DNAJB4: variants seen among roughly 807,000 people sequenced by gnomAD.
DNAJB4 encodes DnaJ heat shock protein family (Hsp40) member B4, also known as dnaJ homolog subfamily B member 4.
DNAJB4 carries 10 observed loss-of-function variants against 26.6 expected under a neutral mutation model. The observed-to-expected ratio is 0.38, with a 90% CI of 0.23 to 0.64. DNAJB4 has a LOEUF of 0.64. DNAJB4 is among the 30% of genes least tolerant of loss of function. The probability of loss-of-function intolerance (pLI) is 0.58; values close to 1 mark genes in which losing one functional copy is unlikely to be tolerated. For missense variants in DNAJB4, 328 were observed against 408.2 expected (o/e 0.80, Z 1.69); for synonymous variants, 136 against 134.8 (o/e 1.01, Z -0.06).
At chr1:78,009,039 A>C (rs911819064) in intron 1 of DNAJB4, among the ~76,000 whole-genome samples, 1 of 152,130 alleles carries the variant, frequency 6.6e-6, no homozygotes, top group African/African-American at 2.4e-5. Flanking sequence ...TTAAATGATA[A>C]AACTTGTATT....
intron 1 of DNAJB4, among the ~76,000 whole-genome samples, chr1:77,986,085 ATGTT>A (rs906367650): frequency 6.6e-6 from 1 of 152,136 alleles, no homozygotes; most frequent in Non-Finnish European, 1.5e-5. Flanking sequence ...TTCCTAGTGT[ATGTT>A]AAATTATTTG....
Position 78,017,537 on chromosome 1 carries a change from T to C in DNAJB4, c.*1290T>C, listed in dbSNP as rs988444770. Reference sequence around the variant, plus strand: ...AATTTACATGCCATAAAGTTTACCCTTAAAATATATAATTCAGTGGTTTTT... The same window carrying C: ...AATTTACATGCCATAAAGTTTACCCCTAAAATATATAATTCAGTGGTTTTT... On this transcript the variant is annotated 3_prime_UTR_variant, in exon 3 of 3. Transcript: ENST00000370763. 9.2e-5 allele frequency: 14 copies of C among 152,082 alleles called. No individual in the cohort carries two copies. The allele number at this position is 152,082 out of a possible 1,614,324, so 9.4% of individuals were successfully genotyped here.
At chr1:78,014,629 C>T (rs1470768184) in intron 2 of DNAJB4, among the ~76,000 whole-genome samples, 4 of 151,806 alleles carry the variant, frequency 2.6e-5, no homozygotes, top group Non-Finnish European at 4.4e-5. Flanking sequence ...GATGGAGTCT[C>T]GCTCTGTCAC....
intron 1 of DNAJB4, among the ~76,000 whole-genome samples, chr1:78,012,792 A>C (rs1660525803): frequency 6.9e-6 from 1 of 144,664 alleles, no homozygotes; most frequent in Admixed American, 7.1e-5. Flanking sequence ...CTGGGCAAAC[A>C]AGAGCGAAAC....
In DNAJB4 at chr1:78,005,559, G is replaced by A. The variant is rs371799815; in HGVS notation, c.211+238G>A. Among the ~76,000 whole-genome samples, 43 of 152,056 alleles carry A rather than the reference G, an allele frequency of 2.8e-4. No individual in the cohort carries two copies. In the South Asian group the frequency reaches 8.7e-3, roughly 31 times the overall value. On this transcript the variant is annotated intron_variant, in intron 1 of 2. Coordinates refer to ENST00000370763, the MANE Select transcript of DNAJB4 (RefSeq NM_007034.5). ...GTCCTTGTTTGCCTTTTTTATTTTA[G>A]CATTTTGTATTATACATATTTTATC...
chr1:78,013,978 G>T (rs954241971), intron 2 of DNAJB4, among the ~76,000 whole-genome samples: 1 of 151,722 alleles, frequency 6.6e-6, no homozygotes, highest in African/African-American at 2.4e-5. Flanking sequence ...AAAAAGATTA[G>T]AAGAAAATAA....
intron 1 of DNAJB4, among the ~76,000 whole-genome samples, chr1:77,992,369 C>T (rs1340771750): frequency 4.3e-5 from 6 of 140,274 alleles, no homozygotes; most frequent in Non-Finnish European, 9.2e-5. Flanking sequence ...GCCGAGATCC[C>T]GCCACTGCAC....
At chr1:78,011,533 G>A (rs1458842359) in intron 1 of DNAJB4, among the ~76,000 whole-genome samples, 3 of 150,156 alleles carry the variant, frequency 2.0e-5, no homozygotes, top group Admixed American at 1.3e-4. Context: ...TGCCCAGGCC[G>A]GAGTGCAATG....
chr1:77,985,723 C>T (rs1238991684), intron 1 of DNAJB4, among the ~76,000 whole-genome samples: 1 of 151,812 alleles, frequency 6.6e-6, no homozygotes, highest in Non-Finnish European at 1.5e-5. Flanking sequence ...CGGTCAAGGG[C>T]AGGAGCTATC....
intron 1 of DNAJB4, among the ~76,000 whole-genome samples, chr1:77,990,554 T>A (rs149215338): frequency 6.6e-6 from 1 of 152,240 alleles, no homozygotes; most frequent in Non-Finnish European, 1.5e-5. Context: ...TGCAGTCTTA[T>A]GCAGCAAAAC....
At chr1:78,015,721 G>C (rs1660624091) in intron 2 of DNAJB4, among the ~76,000 whole-genome samples, 1 of 151,504 alleles carries the variant, frequency 6.6e-6, no homozygotes, top group African/African-American at 2.4e-5. Flanking sequence ...GCCTAATTTT[G>C]TATTTTTAGT....
intron 1 of DNAJB4, among the ~76,000 whole-genome samples, chr1:77,992,412 C>CAAAAAAAAA (rs67649336): frequency 6.3e-5 from 3 of 47,742 alleles, no homozygotes; most frequent in African/African-American, 8.2e-5. Context: ...GACTCCGTCT[C>CAAAAAAAAA]AAAAAAAAAA....
At chr1:78,004,908 G>T (rs1660290156), upstream of DNAJB4, 3 of 595,668 alleles carry the variant, frequency 5.0e-6, no homozygotes, top group Admixed American at 9.0e-5. Flanking sequence ...CCTGTGTAGT[G>T]TATATTTATC....
At chr1:77,991,321 C>G (rs1659926576) in intron 1 of DNAJB4, among the ~76,000 whole-genome samples, 1 of 152,094 alleles carries the variant, frequency 6.6e-6, no homozygotes, top group South Asian at 2.1e-4. Context: ...ACAGTTGATT[C>G]TCATTATTTG....
chr1:78,009,045 G>A (rs1029896254), intron 1 of DNAJB4, among the ~76,000 whole-genome samples: 20 of 151,928 alleles, frequency 1.3e-4, no homozygotes, highest in Admixed American at 3.3e-4. Context: ...GATAAAACTT[G>A]TATTTATTAA....
At chr1:78,001,229 A>G (rs189490946), upstream of DNAJB4, among the ~76,000 whole-genome samples, 211 of 151,938 alleles carry the variant, frequency 1.4e-3, 1 homozygote, top group African/African-American at 4.8e-3. Flanking sequence ...AGTCCCAGCT[A>G]CTCGAGAGGC....
intron 1 of DNAJB4, among the ~76,000 whole-genome samples, chr1:78,007,455 C>T (rs1046387847): frequency 2.0e-5 from 3 of 152,072 alleles, no homozygotes; most frequent in African/African-American, 7.2e-5. Context: ...GTGGCAGACA[C>T]CTCTAATCCC....
chr1:77,999,003 C>T (rs1557505722), intron 1 of DNAJB4, among the ~76,000 whole-genome samples: 1 of 152,122 alleles, frequency 6.6e-6, no homozygotes, highest in Non-Finnish European at 1.5e-5. Flanking sequence ...AACCTTTTCA[C>T]AGGAATGAGA....
intron 1 of DNAJB4, among the ~76,000 whole-genome samples, chr1:77,989,240 T>C (rs549076696): frequency 2.4e-4 from 36 of 152,320 alleles, no homozygotes; most frequent in African/African-American, 7.9e-4. Context: ...ACTGGTACTC[T>C]TGGTATCAAA....
Sources: allele counts gnomAD v4.1 joint callset (sites outside exome capture counted in the v4.1 genomes callset), GRCh38; gene constraint gnomAD v4.1.1; transcripts MANE v1.5; gene names NCBI Gene and HGNC (gene_info 2026-07-23, HGNC 2026-07-21).